The following COL25A1 variants were observed in gnomAD, a reference collection of about 807,000 sequenced individuals.
The protein encoded by COL25A1 is collagen type XXV alpha 1 chain, also known as collagen alpha-1(XXV) chain.
In COL25A1, 103 loss-of-function variants were observed where a neutral mutation model predicts 128.4. The observed-to-expected ratio is 0.80, with a 90% CI of 0.68 to 0.94. The LOEUF is 0.94. COL25A1 is among the 40% of genes least tolerant of loss of function. The pLI is 0.00. For missense variants in COL25A1, 745 were observed against 840.0 expected, an observed-to-expected ratio of 0.89 and a Z score of 1.40; for synonymous variants, 279 against 277.2, an observed-to-expected ratio of 1.01 and a Z score of -0.06.
intron 14 of COL25A1, 63 bp downstream of exon 14, chr4:108,901,056 T>C: frequency 3.1e-6 from 4 of 1,279,776 alleles, no homozygotes; most frequent in Non-Finnish European, 3.4e-6. Flanking sequence ...TATTAAATAA[T>C]AGCTTACAAT....
At chr4:109,201,684 G>A (rs535707374) in intron 3 of COL25A1, among the ~76,000 whole-genome samples, 1 of 152,050 alleles carries the variant, frequency 6.6e-6, no homozygotes, top group Admixed American at 6.6e-5. Context: ...AGACTGGGAA[G>A]GAAAACTTAC....
chr4:108,926,371 A>G (rs1403158438), intron 11 of COL25A1, among the ~76,000 whole-genome samples: 1 of 152,214 alleles, frequency 6.6e-6, no homozygotes, highest in Non-Finnish European at 1.5e-5. Context: ...AATAAAAAAC[A>G]CAGGGAACAA....
intron 5 of COL25A1, among the ~76,000 whole-genome samples, chr4:109,021,511 T>A (rs1031597842): frequency 6.6e-6 from 1 of 152,192 alleles, no homozygotes; most frequent in East Asian, 1.9e-4. Context: ...GATGACTGCA[T>A]TAACCGTACA....
intron 31 of COL25A1, among the ~76,000 whole-genome samples, chr4:108,840,147 C>T (rs568670951): frequency 1.7e-4 from 26 of 148,634 alleles, no homozygotes; most frequent in South Asian, 2.1e-4. Flanking sequence ...GAGGCTGAGG[C>T]GGAAGAATCA....
intron 3 of COL25A1, among the ~76,000 whole-genome samples, chr4:109,075,818 G>C (rs918730794): frequency 2.0e-5 from 3 of 151,918 alleles, no homozygotes; most frequent in African/African-American, 7.3e-5. Context: ...CCAAAACATC[G>C]AGTGTTTCCT....
intron 3 of COL25A1, among the ~76,000 whole-genome samples, chr4:109,256,727 AG>A (rs1187603534): frequency 6.6e-6 from 1 of 152,190 alleles, no homozygotes; most frequent in Non-Finnish European, 1.5e-5. Context: ...CTGTCATTAT[AG>A]GCGTCTTGGT....
intron 8 of COL25A1, among the ~76,000 whole-genome samples, chr4:108,965,514 A>T (rs532611182): frequency 3.0e-4 from 46 of 152,350 alleles, no homozygotes; most frequent in African/African-American, 9.6e-4. Context: ...TTCCATTTTA[A>T]AAAGTCATTA....
At chr4:108,841,539 T>C (rs1734464536) in intron 31 of COL25A1, among the ~76,000 whole-genome samples, 156 bp downstream of exon 31, 1 of 152,232 alleles carries the variant, frequency 6.6e-6, no homozygotes, top group Admixed American at 6.5e-5. Flanking sequence ...TAAGTCATTT[T>C]GTGTTATGAG....
chr4:109,265,887 C>A (rs1781760184), intron 3 of COL25A1, among the ~76,000 whole-genome samples: 1 of 152,174 alleles, frequency 6.6e-6, no homozygotes, highest in Admixed American at 6.6e-5. Flanking sequence ...GAAACTACTA[C>A]CAAGTCATGA....
intron 3 of COL25A1, 25 bp downstream of exon 3, chr4:109,300,558 C>T (rs779898022): frequency 2.6e-6 from 4 of 1,525,354 alleles, no homozygotes; most frequent in East Asian, 2.3e-5. Context: ...CTGGAGGAAA[C>T]CTTGTTAAAT....
intron 11 of COL25A1, among the ~76,000 whole-genome samples, chr4:108,927,877 T>C (rs1309522842): frequency 1.3e-5 from 2 of 152,172 alleles, no homozygotes; most frequent in African/African-American, 4.8e-5. Flanking sequence ...AGACTAAATA[T>C]TGAGCATTAT....
At chr4:108,941,021 A>T (rs1281452743) in intron 9 of COL25A1, among the ~76,000 whole-genome samples, 1 of 152,200 alleles carries the variant, frequency 6.6e-6, no homozygotes, top group African/African-American at 2.4e-5. Flanking sequence ...AGTTAGACAA[A>T]TGTGTTTACT....
rs773786786 is a variant in COL25A1, at chr4:109,301,984, G to A, written c.36C>T (p.Gly12=). The change falls in exon 2 of 38, where the codon GGC becomes GGT. Residue 12 remains glycine (G), a synonymous_variant. Coordinates refer to ENST00000399132, the MANE Select transcript of COL25A1 (RefSeq NM_198721.4). ...LLKKHAGKGG[G]REPRSEDPTP... ...TCGGGTCCTCGGATCTGGGCTCCCG[G>A]CCCCCTCCTTTCCCTGCGTGCTTCT... 2.2e-5 allele frequency: 36 copies of A among 1,604,586 alleles called. No homozygotes were observed. In the East Asian group the frequency reaches 8.0e-4, roughly 36 times the overall value.
chr4:109,048,938 T>G (rs181840213), intron 4 of COL25A1, among the ~76,000 whole-genome samples: 11 of 152,252 alleles, frequency 7.2e-5, no homozygotes, highest in Admixed American at 5.9e-4. Context: ...GTGTCCTCTA[T>G]TAGAAAACTT....
At chr4:108,914,546 C>A (rs754741093) in intron 13 of COL25A1, among the ~76,000 whole-genome samples, 24 of 151,690 alleles carry the variant, frequency 1.6e-4, no homozygotes, top group Non-Finnish European at 2.8e-4. Context: ...ATAGAGAACA[C>A]ATTCTACCTC....
intron 31 of COL25A1, among the ~76,000 whole-genome samples, chr4:108,836,463 G>A (rs1355652840): frequency 2.0e-5 from 3 of 152,134 alleles, no homozygotes; most frequent in Admixed American, 6.5e-5. Flanking sequence ...TTTAGAGGCC[G>A]AGGCGGGAAG....
chr4:108,846,196 G>C lies in COL25A1; in HGVS notation c.1458C>G (p.Asp486Glu), dbSNP rs890756406. Residue 486 changes from aspartate to glutamate, a missense_variant, in exon 28 of 38, where the codon GAC becomes GAG. Coordinates refer to ENST00000399132, the MANE Select transcript of COL25A1 (RefSeq NM_198721.4). ...CACCTGTCATACCTGGGTCCCCCAT[G>C]TCTCCCTTTGAGCCTTTGAGTCCCT... ...GEQGLKGSKG[D>E]MGDPGMTGEK... 6.2e-7 allele frequency: 1 copy of C among 1,612,570 alleles called. No individual in the cohort carries two copies. Among genetic ancestry groups the C allele is most frequent in the Non-Finnish European group, 8.5e-7 (1 of 1,178,660 alleles).
intron 30 of COL25A1, 124 bp downstream of exon 30, chr4:108,844,395 T>C: frequency 6.6e-7 from 1 of 1,521,950 alleles, no homozygotes; most frequent in Non-Finnish European, 9.0e-7. Context: ...ACCTGGTATT[T>C]TCCATCCATT....
intron 5 of COL25A1, among the ~76,000 whole-genome samples, chr4:109,012,568 C>T (rs1052817212): frequency 3.3e-5 from 5 of 152,048 alleles, no homozygotes; most frequent in East Asian, 1.9e-4. Context: ...ACACTTGGAG[C>T]GGCCGGCCAG....
Sources: gnomAD v4.1 joint callset for allele counts (sites outside exome capture counted in the v4.1 genomes callset) on GRCh38, gnomAD v4.1.1 for gene constraint, MANE v1.5 for transcripts, NCBI Gene and HGNC (gene_info 2026-07-23, HGNC 2026-07-21) for gene names.